Variants in DYM observed in about 807,000 individuals in gnomAD.
DYM encodes dymeclin.
In DYM, 78 loss-of-function variants were observed where a neutral mutation model predicts 93.1. That is an observed-to-expected ratio of 0.84 (90% CI 0.70 to 1.01). The LOEUF is 1.01. Ranked by LOEUF, DYM falls within the 50% of genes least tolerant of loss-of-function variation. The probability of loss-of-function intolerance (pLI) is 0.00; values close to 1 mark genes in which losing one functional copy is unlikely to be tolerated. For missense variants in DYM, 789 were observed against 845.0 expected (o/e 0.93, Z 0.82); for synonymous variants, 321 against 319.7 (o/e 1.00, Z -0.04).
At chr18:49,188,288 A>C (rs1423845098) in intron 14 of DYM, among the ~76,000 whole-genome samples, 1 of 152,200 alleles carries the variant, frequency 6.6e-6, no homozygotes, top group African/African-American at 2.4e-5. Flanking sequence ...GGGAAGTAGA[A>C]GTACTTCATC....
At chr18:49,112,126 AC>A (rs1296498868) in intron 16 of DYM, among the ~76,000 whole-genome samples, 1 of 141,482 alleles carries the variant, frequency 7.1e-6, no homozygotes, top group Admixed American at 7.2e-5. Flanking sequence ...TCCTCTCCGC[AC>A]CCCCCTCCCC....
At chr18:49,416,725 CT>C (rs1473871209) in intron 2 of DYM, among the ~76,000 whole-genome samples, 2 of 152,054 alleles carry the variant, frequency 1.3e-5, no homozygotes, top group African/African-American at 4.8e-5. Context: ...CCTAGTTTTT[CT>C]TCCTGCACTT....
At chr18:49,265,367 A>T (rs537793153) in intron 11 of DYM, among the ~76,000 whole-genome samples, 1 of 152,236 alleles carries the variant, frequency 6.6e-6, no homozygotes, top group Non-Finnish European at 1.5e-5. Flanking sequence ...CAAGTTTGGT[A>T]GGTTTATTTA....
At chr18:49,424,135 GC>G (rs1204497555) in intron 2 of DYM, among the ~76,000 whole-genome samples, 8 of 152,088 alleles carry the variant, frequency 5.3e-5, no homozygotes, top group African/African-American at 1.9e-4. Context: ...GAACATCGAT[GC>G]AAAAATCCTC....
At chr18:49,119,292 T>A (rs1324628347) in intron 15 of DYM, among the ~76,000 whole-genome samples, 1 of 152,230 alleles carries the variant, frequency 6.6e-6, no homozygotes, top group Non-Finnish European at 1.5e-5. Flanking sequence ...AGAGTAGTGG[T>A]AGGGTTGTAC....
intron 15 of DYM, among the ~76,000 whole-genome samples, chr18:49,145,994 T>C (rs895391814): frequency 6.6e-6 from 1 of 152,194 alleles, no homozygotes; most frequent in East Asian, 1.9e-4. Context: ...CTTAGTTTAA[T>C]TGTCATTTTC....
chr18:49,317,594 TCTCCCCCCTCCC>T (rs1274195449), intron 8 of DYM, among the ~76,000 whole-genome samples: 13 of 28,046 alleles, frequency 4.6e-4, no homozygotes, highest in South Asian at 2.8e-3. Context: ...TCTCTCTCTC[TCTCCCCCCTCCC>T]CCCTCCCTCC....
intron 6 of DYM, among the ~76,000 whole-genome samples, chr18:49,347,782 T>C (rs2064727551): frequency 1.3e-5 from 2 of 152,198 alleles, no homozygotes; most frequent in Admixed American, 1.3e-4. Context: ...GGCCAATACT[T>C]GAAAGAAACC....
intron 6 of DYM, among the ~76,000 whole-genome samples, chr18:49,339,067 A>C (rs1173346531): frequency 6.6e-6 from 1 of 152,204 alleles, no homozygotes; most frequent in East Asian, 1.9e-4. Flanking sequence ...AAAAAAATCA[A>C]AAGATATAAA....
chr18:49,411,818 T>A (rs190758938), intron 2 of DYM: 124 of 152,288 alleles, frequency 8.1e-4, no homozygotes, highest in African/African-American at 2.5e-3. Flanking sequence ...AAATATATAA[T>A]GTTAGTCAAA....
At chr18:49,398,478 T>C (rs1000483707) in intron 2 of DYM, among the ~76,000 whole-genome samples, 1 of 152,214 alleles carries the variant, frequency 6.6e-6, no homozygotes, top group African/African-American at 2.4e-5. Context: ...TCCATTTGGC[T>C]AGAACTTGGC....
At chr18:49,275,347 T>A (rs769169578) in intron 10 of DYM, among the ~76,000 whole-genome samples, 2 of 152,206 alleles carry the variant, frequency 1.3e-5, no homozygotes, top group Non-Finnish European at 1.5e-5. Context: ...CTTGTGCCAG[T>A]ACCACACTGT....
rs1174945851 is a variant in DYM, at chr18:49,393,043, A to AGG, written c.141-1400_141-1399dup. On this transcript the variant is annotated intron_variant, in intron 2 of 17. Coordinates refer to ENST00000675505, the MANE Select transcript of DYM (RefSeq NM_001353214.3). ...AAGAGGAAGAAGGAGGAGGAGGAGGAGGAGGAGGGGAGGAGGGGAGGAGGA... is the reference window on the plus strand; with the variant it reads ...AAGAGGAAGAAGGAGGAGGAGGAGGAGGGGAGGAGGGGAGGAGGGGAGGAGGA... 2.0e-3 allele frequency among the ~76,000 whole-genome samples: 200 copies of AGG among 100,832 alleles called. 27 individuals are homozygous for AGG. Among genetic ancestry groups the AGG allele is most frequent in the East Asian group, 9.4e-3 (19 of 2,026 alleles). 66.1% of individuals were successfully genotyped at this position (100,832 alleles called of 152,430 possible). A position where few individuals can be genotyped will look rare whatever the true frequency, so the allele number is the denominator to read the frequency against.
At chr18:49,444,951 T>C (rs2081975124) in intron 1 of DYM, among the ~76,000 whole-genome samples, 1 of 152,156 alleles carries the variant, frequency 6.6e-6, no homozygotes, top group African/African-American at 2.4e-5. Context: ...GCATCTATAA[T>C]CAATTTTGAT....
At chr18:49,175,839 G>A (rs894223653) in intron 14 of DYM, among the ~76,000 whole-genome samples, 3 of 151,970 alleles carry the variant, frequency 2.0e-5, no homozygotes, top group African/African-American at 7.3e-5. Flanking sequence ...TATAGTAAAA[G>A]CAAAAGACAA....
chr18:49,456,144 C>T (rs757588524), intron 1 of DYM, among the ~76,000 whole-genome samples: 3 of 152,154 alleles, frequency 2.0e-5, no homozygotes, highest in African/African-American at 4.8e-5. Flanking sequence ...AGCTAGAACT[C>T]CAGCAGCCAT....
intron 10 of DYM, among the ~76,000 whole-genome samples, chr18:49,281,643 G>A (rs974745106): frequency 6.6e-6 from 1 of 152,180 alleles, no homozygotes; most frequent in African/African-American, 2.4e-5. Flanking sequence ...ATGGGTTCGT[G>A]TCCTTTGTAG....
chr18:49,165,246 T>G (rs938977976), intron 14 of DYM, among the ~76,000 whole-genome samples: 1 of 152,110 alleles, frequency 6.6e-6, no homozygotes, highest in Admixed American at 6.6e-5. Context: ...AATACTTATG[T>G]GCCTAATAAA....
At chr18:49,224,584 G>A (rs2093466480) in intron 13 of DYM, among the ~76,000 whole-genome samples, 1 of 152,026 alleles carries the variant, frequency 6.6e-6, no homozygotes, top group African/African-American at 2.4e-5. Context: ...CAGCCTTCAT[G>A]TATGGGATTA....
Sources: gnomAD v4.1 joint callset for allele counts (sites outside exome capture counted in the v4.1 genomes callset) on GRCh38, gnomAD v4.1.1 for gene constraint, MANE v1.5 for transcripts, NCBI Gene and HGNC (gene_info 2026-07-23, HGNC 2026-07-21) for gene names.